Variants in PAIP2 observed in about 807,000 individuals in gnomAD.
The protein encoded by PAIP2 is polyadenylate-binding protein-interacting protein 2.
PAIP2 carries 7 observed loss-of-function variants against 14.8 expected under a neutral mutation model. The ratio of observed to expected loss-of-function variants is 0.47; its 90% confidence interval spans 0.27 to 0.89. PAIP2 has a LOEUF of 0.89. Among genes scored for constraint, PAIP2 ranks in the 40% least tolerant of loss-of-function variants. The pLI is 0.13. For synonymous variants in PAIP2, 47 were observed against 45.3 expected, an observed-to-expected ratio of 1.04 and a Z score of -0.15; for missense variants, 122 against 154.7, an observed-to-expected ratio of 0.79 and a Z score of 1.12.
chr5:139,353,212 T>G (rs1260063380), intron 1 of PAIP2, among the ~76,000 whole-genome samples: 1 of 152,164 alleles, frequency 6.6e-6, no homozygotes, highest in African/African-American at 2.4e-5. Context: ...TTTACTGTAT[T>G]GTTAAGTCAT....
chr5:139,362,753 T>C (rs1757107819), intron 1 of PAIP2, among the ~76,000 whole-genome samples: 2 of 151,570 alleles, frequency 1.3e-5, no homozygotes, highest in African/African-American at 4.9e-5. Context: ...CATGTTAGGC[T>C]GGTCTCAAAC....
At chr5:139,353,771 G>A (rs763329019) in intron 1 of PAIP2, among the ~76,000 whole-genome samples, 1 of 150,794 alleles carries the variant, frequency 6.6e-6, no homozygotes, top group African/African-American at 2.4e-5. Flanking sequence ...CCAGGCTGGA[G>A]TGCAGTGGCG....
chr5:139,351,511 T>C (rs1756733216), intron 1 of PAIP2, among the ~76,000 whole-genome samples: 1 of 152,238 alleles, frequency 6.6e-6, no homozygotes, highest in African/African-American at 2.4e-5. Context: ...AAATGCTTTA[T>C]GTGTGTTTAT....
At chr5:139,356,446 G>A (rs1756914969) in intron 1 of PAIP2, among the ~76,000 whole-genome samples, 1 of 151,942 alleles carries the variant, frequency 6.6e-6, no homozygotes, top group Admixed American at 6.6e-5. Context: ...AACACTCCTC[G>A]TCAAAAATAA....
intron 1 of PAIP2, among the ~76,000 whole-genome samples, chr5:139,362,385 T>C (rs1757091646): frequency 6.7e-6 from 1 of 149,602 alleles, no homozygotes; most frequent in Non-Finnish European, 1.5e-5. Flanking sequence ...CATGCCCAGC[T>C]AAATTTTTTG....
chr5:139,344,921 C>G (rs1756491431), intron 1 of PAIP2, among the ~76,000 whole-genome samples: 1 of 152,036 alleles, frequency 6.6e-6, no homozygotes, highest in Non-Finnish European at 1.5e-5. Flanking sequence ...GGTTCTCTAA[C>G]TAGGTACTAT....
chr5:139,368,508 G>A (rs1286999114), intron 3 of PAIP2, among the ~76,000 whole-genome samples: 2 of 152,114 alleles, frequency 1.3e-5, no homozygotes, highest in Admixed American at 1.3e-4. Context: ...CAGCCTGGGC[G>A]ACAGAGCAAG....
At chr5:139,346,217 G>C (rs1166283671) in intron 1 of PAIP2, among the ~76,000 whole-genome samples, 2 of 152,126 alleles carry the variant, frequency 1.3e-5, no homozygotes, top group African/African-American at 2.4e-5. Context: ...AACATCTTAA[G>C]CTGTCGTCTA....
rs149020154 is a variant in PAIP2 at position 139,346,602 on chromosome 5, G to C, written c.-27+4622G>C. Reference sequence around the variant, plus strand: ...GTTGGAATGCAGTGGCACCATCTCAGCTCACTGCAACCTCTGCCTCCCAGG... The same window carrying C: ...GTTGGAATGCAGTGGCACCATCTCACCTCACTGCAACCTCTGCCTCCCAGG... On this transcript the variant is annotated intron_variant, in intron 1 of 3. Coordinates refer to ENST00000265192, the MANE Select transcript of PAIP2 (RefSeq NM_016480.5). Among the ~76,000 whole-genome samples, 433 of 151,812 alleles carry C rather than the reference G, an allele frequency of 2.9e-3. 1 individual carries two copies. Among genetic ancestry groups the C allele is most frequent in the African/African-American group, 1.0e-2 (413 of 41,392 alleles).
At chr5:139,362,809 G>A (rs1388225761) in intron 1 of PAIP2, among the ~76,000 whole-genome samples, 1 of 151,988 alleles carries the variant, frequency 6.6e-6, no homozygotes, top group Non-Finnish European at 1.5e-5. Context: ...CAAAGTGCCG[G>A]GATTATAGGC....
chr5:139,349,114 T>C (rs1010962609), intron 1 of PAIP2, among the ~76,000 whole-genome samples: 6 of 152,152 alleles, frequency 3.9e-5, no homozygotes, highest in Admixed American at 1.3e-4. Flanking sequence ...AAACTGAAGA[T>C]TGGGGAGGGA....
At chr5:139,359,634 A>G (rs1421657880) in intron 1 of PAIP2, among the ~76,000 whole-genome samples, 2 of 152,040 alleles carry the variant, frequency 1.3e-5, no homozygotes, top group Non-Finnish European at 2.9e-5. Context: ...CTAAAATGTA[A>G]TTATTTAACA....
At position 139,350,250 on chromosome 5, in the gene PAIP2, G is replaced by A. The variant is rs191425082; in HGVS notation, c.-27+8270G>A. Among the ~76,000 whole-genome samples, 86 of 151,870 alleles carry A rather than the reference G, an allele frequency of 5.7e-4. 1 individual carries two copies. The Middle Eastern group carries it at 0.017, about 30-fold the overall frequency. On this transcript the variant is annotated intron_variant, in intron 1 of 3. Coordinates refer to ENST00000265192, the MANE Select transcript of PAIP2 (RefSeq NM_016480.5). The stretch of plus-strand genomic sequence containing the variant: ...TGGGTCACATATTCTATCTACTGTA[G>A]TAGAGGACTTGGATAAACCACTTTC...
rs531708852 is a variant in PAIP2, at chr5:139,359,963, ATTTTC to A, written c.-26-3793_-26-3789del. On this transcript the variant is annotated intron_variant, in intron 1 of 3. Transcript: ENST00000265192. ...TCTCCGTCTCAAAAAAAAATGGGTA[ATTTTC>A]TTCTTTTCTTTTTTTTGAGATGTAG... Among the ~76,000 whole-genome samples, 494 of 151,362 alleles carry A rather than the reference ATTTTC, an allele frequency of 3.3e-3. 4 individuals carry two copies. The highest frequency in any genetic ancestry group is 0.011 in the African/African-American group (469 of 41,304).
intron 1 of PAIP2, among the ~76,000 whole-genome samples, chr5:139,344,609 G>T (rs1388130589): frequency 1.3e-5 from 2 of 152,174 alleles, no homozygotes; most frequent in Non-Finnish European, 2.9e-5. Context: ...CACCATATTG[G>T]ATGGGCACAC....
intron 1 of PAIP2, among the ~76,000 whole-genome samples, chr5:139,355,507 A>G (rs1456592143): frequency 6.6e-6 from 1 of 152,188 alleles, no homozygotes; most frequent in Non-Finnish European, 1.5e-5. Context: ...TTGGTGAGAC[A>G]TCATTCTATG....
At position 139,364,732 on chromosome 5, in the gene PAIP2, G is replaced by A; in HGVS notation, c.307G>A (p.Glu103Lys). The part of the protein sequence containing the change: ...DLVISDGSSL[E>K]DLVVKSNLNP... Reference sequence around the variant, plus strand: ...TGTTATCAGTGATGGCTCTTCTCTGGAAGATCTTGTGGTAAAAAGTTATTT... The same window carrying A: ...TGTTATCAGTGATGGCTCTTCTCTGAAAGATCTTGTGGTAAAAAGTTATTT... Residue 103 changes from glutamate (E) to lysine (K), a missense_variant, in exon 3 of 4, where the codon GAA becomes AAA. By Grantham distance (56) the Glu-to-Lys change is moderately conservative. Transcript: ENST00000265192. 6.3e-7 allele frequency: 1 copy of A among 1,598,874 alleles called. No individual in the cohort carries two copies. Among genetic ancestry groups the A allele is most frequent in the Non-Finnish European group, 8.5e-7 (1 of 1,172,702 alleles).
At chr5:139,367,512 C>A (rs557642206) in intron 3 of PAIP2, 1 of 151,948 alleles carries the variant, frequency 6.6e-6, no homozygotes, top group African/African-American at 2.4e-5. Flanking sequence ...AATTTGAATC[C>A]CAGAGAAAGG....
intron 1 of PAIP2, among the ~76,000 whole-genome samples, chr5:139,355,408 G>A (rs904627182): frequency 6.6e-6 from 1 of 152,034 alleles, no homozygotes; most frequent in Non-Finnish European, 1.5e-5. Flanking sequence ...CTGACCTCAG[G>A]TGATCTGCCT....
Sources: gnomAD v4.1 joint callset for allele counts (sites outside exome capture counted in the v4.1 genomes callset) on GRCh38, gnomAD v4.1.1 for gene constraint, MANE v1.5 for transcripts, NCBI Gene and HGNC (gene_info 2026-07-23, HGNC 2026-07-21) for gene names.